The following DHX37 variants were observed in gnomAD, a reference collection of about 807,000 sequenced individuals.
DHX37 encodes the protein probable ATP-dependent RNA helicase DHX37.
In DHX37, 52 loss-of-function variants were observed where a neutral mutation model predicts 134.3. The observed-to-expected ratio is 0.39, with a 90% CI of 0.31 to 0.49. The LOEUF (loss-of-function observed/expected upper bound fraction) is 0.49, where lower values mean the gene tolerates loss of function less well. Ranked by LOEUF, DHX37 falls within the 20% of genes least tolerant of loss-of-function variation. The pLI is 0.93. For synonymous variants in DHX37, 634 were observed against 670.7 expected (o/e 0.95, Z 0.85); for missense variants, 1,344 against 1,580.8 (o/e 0.85, Z 2.54).
At chr12:124,961,974 G>T (rs1954274992) in intron 15 of DHX37, among the ~76,000 whole-genome samples, 1 of 152,106 alleles carries the variant, frequency 6.6e-6, no homozygotes, top group South Asian at 2.1e-4. Flanking sequence ...GGTGGGTGAG[G>T]TAAGGGCACC....
chr12:124,983,653 C>T (rs1189937000), intron 2 of DHX37, among the ~76,000 whole-genome samples: 9 of 151,736 alleles, frequency 5.9e-5, no homozygotes, highest in Admixed American at 3.3e-4. Flanking sequence ...GGCATGGTGG[C>T]GCATGCTTGT....
chr12:124,967,741 A>C (rs1954419907), intron 10 of DHX37, among the ~76,000 whole-genome samples: 1 of 152,170 alleles, frequency 6.6e-6, no homozygotes, highest in Non-Finnish European at 1.5e-5. Context: ...TAACATGAAG[A>C]AAGCCAGCCT....
intron 5 of DHX37, 32 bp downstream of exon 5, chr12:124,977,310 G>A: frequency 6.7e-7 from 1 of 1,493,288 alleles, no homozygotes; most frequent in Non-Finnish European, 8.9e-7. Flanking sequence ...GTCACTGAGG[G>A]ACCCAGAGAG....
At chr12:124,951,698 C>T (rs530088849) in intron 21 of DHX37, among the ~76,000 whole-genome samples, 14 of 152,250 alleles carry the variant, frequency 9.2e-5, no homozygotes, top group African/African-American at 3.1e-4. Context: ...CAAGACTAGC[C>T]TGGGTAACAC....
intron 15 of DHX37, among the ~76,000 whole-genome samples, chr12:124,960,713 G>A (rs1043484867): frequency 6.6e-6 from 1 of 152,204 alleles, no homozygotes; most frequent in Non-Finnish European, 1.5e-5. Flanking sequence ...CAGCACTTTG[G>A]AAGGCTGGGG....
chr12:124,959,412 G>A (rs1053538642), intron 16 of DHX37, among the ~76,000 whole-genome samples: 4 of 151,546 alleles, frequency 2.6e-5, no homozygotes, highest in East Asian at 1.9e-4. Flanking sequence ...TAGTAGAGAC[G>A]GGGTTTTGCC....
At chr12:124,967,085 T>G in intron 11 of DHX37, 38 bp downstream of exon 11, 1 of 1,605,476 alleles carries the variant, frequency 6.2e-7, no homozygotes. Flanking sequence ...CAAGCCCAGC[T>G]GCTCAGGGCA....
rs574961684 is a variant in DHX37 at position 124,965,935 on chromosome 12, C to T, written c.1591-123G>A. 7.3e-5 allele frequency: 90 copies of T among 1,237,790 alleles called. No homozygotes were observed. The African/African-American group carries it at 1.2e-3, about 17-fold the overall frequency. 76.7% of individuals were successfully genotyped at this position (1,237,790 alleles called of 1,614,324 possible). Reference sequence around the variant, plus strand: ...GTCCACACCCATGGGCCATGCAACCCGGGGCAGGCCACATAATTCTCTCTT... The same window carrying T: ...GTCCACACCCATGGGCCATGCAACCTGGGGCAGGCCACATAATTCTCTCTT... On this transcript the variant is annotated intron_variant, in intron 12 of 26. Coordinates refer to ENST00000308736, the MANE Select transcript of DHX37 (RefSeq NM_032656.4).
chr12:124,957,610 A>AC (rs1469564069), intron 16 of DHX37, among the ~76,000 whole-genome samples: 2 of 151,876 alleles, frequency 1.3e-5, no homozygotes, highest in South Asian at 2.1e-4. Flanking sequence ...ATATGGTGAA[A>AC]CCCCCATCTC....
In DHX37 at chr12:124,950,732, C is replaced by T; in HGVS notation, c.2941G>A (p.Val981Ile). The change falls in exon 22 of 27, where the codon GTC (valine) becomes ATC (isoleucine). Residue 981 changes from valine to isoleucine, a missense_variant. Physicochemically the swap from Val to Ile is conservative, Grantham distance 29. Coordinates refer to ENST00000308736, the MANE Select transcript of DHX37 (RefSeq NM_032656.4). ...GTGGTCTCCACGATTTCCTGGTAGA[C>T]CACAAACTCGGGGAGCTCTTTGAAA... ...VLFKELPEFV[V>I]YQEIVETTKM... The T allele has an allele frequency of 6.2e-7, 1 of 1,610,538 alleles. No individual in the cohort carries two copies. Among genetic ancestry groups the T allele is most frequent in the Non-Finnish European group, 8.5e-7 (1 of 1,179,004 alleles).
At chr12:124,973,521 G>A (rs1476720788) in intron 6 of DHX37, among the ~76,000 whole-genome samples, 1 of 151,774 alleles carries the variant, frequency 6.6e-6, no homozygotes, top group Non-Finnish European at 1.5e-5. Flanking sequence ...GGGCCAGGAG[G>A]AGAGTACAGA....
intron 9 of DHX37, 102 bp from the exon 10 acceptor site, chr12:124,968,750 C>A (rs1954451857): frequency 1.3e-6 from 2 of 1,598,446 alleles, no homozygotes; most frequent in Middle Eastern, 1.7e-4. Context: ...TTTCTAACAC[C>A]CCCTCCAAGC....
chr12:124,952,817 G>C (rs148878947), intron 20 of DHX37: 4 of 335,392 alleles, frequency 1.2e-5, no homozygotes, highest in Non-Finnish European at 2.1e-5. Flanking sequence ...AGCATTCTTC[G>C]AGGAGACAGC....
chr12:124,954,368 T>C (rs1954045503), intron 18 of DHX37, 157 bp from the exon 19 acceptor site: 1 of 759,256 alleles, frequency 1.3e-6, no homozygotes, highest in Non-Finnish European at 1.6e-6. Flanking sequence ...AAATTCACCA[T>C]TGGCAGCCAC....
At chr12:124,951,292 A>G (rs1220535433) in intron 21 of DHX37, among the ~76,000 whole-genome samples, 1 of 151,996 alleles carries the variant, frequency 6.6e-6, no homozygotes, top group African/African-American at 2.4e-5. Context: ...AAAAAAAAAA[A>G]AAAAAGGAAG....
Position 124,953,994 on chromosome 12 carries a change from C to T in DHX37, c.2581G>A (p.Ala861Thr), listed in dbSNP as rs772157759. ...KLGDLMVLLG[A>T]VGACEYASCT... The stretch of plus-strand genomic sequence containing the variant: ...CTGGCATACTCACAGGCTCCCACGG[C>T]GCCTGGGGAACGAAGAGGGGGCATG... Residue 861 changes from alanine (A) to threonine (T), a missense_variant and splice_region_variant, in exon 20 of 27, where the codon GCC becomes ACC. Physicochemically the swap from Ala to Thr is moderately conservative, Grantham distance 58 (BLOSUM62 0). Around this residue, in one of 7 missense-constraint regions of DHX37, gnomAD observed 558 missense variants for 650.0 expected, o/e 0.86. Transcript: ENST00000308736. The T allele has an allele frequency of 7.4e-6, 12 of 1,613,624 alleles. No individual in the cohort carries two copies. The highest frequency in any genetic ancestry group is 2.2e-5 in the South Asian group (2 of 91,082).
chr12:124,959,471 T>C (rs11832343), intron 16 of DHX37, among the ~76,000 whole-genome samples: 22,229 of 151,644 alleles, frequency 0.15, 4,080 homozygotes, highest in African/African-American at 0.44. Context: ...AATCCACATG[T>C]CTCAGCCTCC....
chr12:124,982,045 C>T (rs918381362), intron 3 of DHX37, among the ~76,000 whole-genome samples: 3 of 151,698 alleles, frequency 2.0e-5, no homozygotes, highest in Non-Finnish European at 4.4e-5. Context: ...ATCGCTTGAA[C>T]CTGGGAGGTG....
intron 2 of DHX37, among the ~76,000 whole-genome samples, chr12:124,983,838 C>T (rs7965443): frequency 0.8 from 120,554 of 150,872 alleles, 49,171 homozygotes; most frequent in East Asian, 1. Context: ...TTCCCCCTAC[C>T]AAGGCTCTGG....
Sources: allele counts gnomAD v4.1 joint callset (sites outside exome capture counted in the v4.1 genomes callset), GRCh38; gene constraint gnomAD v4.1.1; regional missense constraint gnomAD v4.1.1; transcripts MANE v1.5; gene names NCBI Gene and HGNC (gene_info 2026-07-23, HGNC 2026-07-21).